Variants in CSMD2 observed in about 807,000 individuals in gnomAD.
CSMD2 encodes CUB and Sushi multiple domains 2, also known as CUB and sushi domain-containing protein 2.
In CSMD2, 130 loss-of-function variants were observed where a neutral mutation model predicts 398.5. The observed-to-expected ratio is 0.33, with a 90% confidence interval of 0.28 to 0.38. The LOEUF (loss-of-function observed/expected upper bound fraction) is 0.38, where lower values mean the gene tolerates loss of function less well. Among genes scored for constraint, CSMD2 ranks in the 10% least tolerant of loss-of-function variants. The pLI, the probability that CSMD2 is intolerant of heterozygous loss-of-function variation, is 1.00. For missense variants in CSMD2, 3,829 were observed against 4,764.9 expected (o/e 0.80, Z 5.78); for synonymous variants, 1,828 against 1,908.5 (o/e 0.96, Z 1.10).
intron 1 of CSMD2, among the ~76,000 whole-genome samples, chr1:34,127,152 G>A (rs1662832919): frequency 6.6e-6 from 1 of 152,074 alleles, no homozygotes; most frequent in African/African-American, 2.4e-5. Flanking sequence ...AAGAAGCCAC[G>A]CACAGCTTCA....
At position 34,082,132 on chromosome 1, in the gene CSMD2, C is replaced by T. The variant is rs547531022; in HGVS notation, c.404+6845G>A. The stretch of plus-strand genomic sequence containing the variant: ...GGGGAGCGCCTCTGCCCGGCCGCCC[C>T]GTCTGGGATGTGAGGAGCACCTCTG... On this transcript the variant is annotated intron_variant, in intron 2 of 70. Coordinates refer to ENST00000373381, the MANE Select transcript of CSMD2 (RefSeq NM_001281956.2). Among the ~76,000 whole-genome samples, 12 of 148,348 alleles carry T rather than the reference C, an allele frequency of 8.1e-5. No individual in the cohort carries two copies. In the East Asian group the frequency reaches 1.5e-3, roughly 19 times the overall value.
At chr1:34,111,927 G>A (rs1285183442) in intron 1 of CSMD2, among the ~76,000 whole-genome samples, 2 of 152,074 alleles carry the variant, frequency 1.3e-5, no homozygotes, top group African/African-American at 2.4e-5. Flanking sequence ...CCAGAGGAAG[G>A]ACAGAGGTGG....
intron 54 of CSMD2, among the ~76,000 whole-genome samples, chr1:33,558,633 T>C (rs1015025649): frequency 6.6e-6 from 1 of 152,234 alleles, no homozygotes; most frequent in South Asian, 2.1e-4. Context: ...TTTTTACTTT[T>C]GATGAGGCTC....
intron 3 of CSMD2, among the ~76,000 whole-genome samples, chr1:33,945,480 C>A (rs968700387): frequency 1.3e-5 from 2 of 152,076 alleles, no homozygotes; most frequent in African/African-American, 2.4e-5. Flanking sequence ...AGGGGAAGAG[C>A]TAGACCCTGC....
At chr1:33,570,287 C>G (rs1431528019) in intron 51 of CSMD2, among the ~76,000 whole-genome samples, 1 of 151,694 alleles carries the variant, frequency 6.6e-6, no homozygotes, top group African/African-American at 2.4e-5. Context: ...TTTGCCTCAG[C>G]CTCCCAAGTA....
rs1440728152 is a variant in CSMD2 at position 33,935,872 on chromosome 1, C to A, written c.600G>T (p.Lys200Asn). 1 of 1,614,224 alleles carries A rather than the reference C, an allele frequency of 6.2e-7. No homozygotes were observed. The highest frequency in any genetic ancestry group is 8.5e-7 in the Non-Finnish European group (1 of 1,180,022). Residue 200 changes from lysine (K) to asparagine (N), a missense_variant, in exon 4 of 71, where the codon AAG (lysine) becomes AAT (asparagine). Around this residue, in one of 5 missense-constraint regions of CSMD2, gnomAD observed 2,001 missense variants for 2,567.1 expected, o/e 0.78. Coordinates refer to ENST00000373381, the MANE Select transcript of CSMD2 (RefSeq NM_001281956.2). ...QQGSTFNLGD[K>N]VRYSCNLGFF... ...AGCCAAGGTTGCAGCTGTAGCGGAC[C>A]TTGTCACCGAGGTTGAAGGTTGAAC...
At chr1:33,988,365 G>A (rs561823250) in intron 3 of CSMD2, among the ~76,000 whole-genome samples, 1 of 152,150 alleles carries the variant, frequency 6.6e-6, no homozygotes, top group Admixed American at 6.5e-5. Flanking sequence ...AAGCTGGGCT[G>A]GGAATGGGAG....
chr1:33,772,858 T>C, intron 12 of CSMD2, 107 bp from the exon 13 acceptor site: 2 of 895,364 alleles, frequency 2.2e-6, no homozygotes, highest in East Asian at 2.6e-5. Flanking sequence ...CATAAGTCAG[T>C]GCTCAGAGTG....
intron 25 of CSMD2, among the ~76,000 whole-genome samples, chr1:33,663,938 C>T (rs191341331): frequency 3.0e-4 from 45 of 152,276 alleles, no homozygotes; most frequent in Middle Eastern, 3.4e-3. Flanking sequence ...TACATTTCCA[C>T]GGTGCATTTG....
intron 49 of CSMD2, 51 bp downstream of exon 49, chr1:33,577,245 T>C (rs767518931): frequency 9.9e-6 from 15 of 1,515,404 alleles, no homozygotes; most frequent in Admixed American, 1.9e-5. Context: ...AAACCCAAGA[T>C]ATGAGTTGGA....
At chr1:34,131,367 C>T (rs1663334278) in intron 1 of CSMD2, among the ~76,000 whole-genome samples, 1 of 152,070 alleles carries the variant, frequency 6.6e-6, no homozygotes, top group Non-Finnish European at 1.5e-5. Context: ...CTTAATTTTT[C>T]TTTTCAATAA....
intron 29 of CSMD2, among the ~76,000 whole-genome samples, chr1:33,639,011 T>A (rs1296112717): frequency 6.6e-6 from 1 of 152,212 alleles, no homozygotes. Flanking sequence ...ATATCTTCAG[T>A]GGATTATTGT....
chr1:33,832,375 A>G (rs1287747194), intron 6 of CSMD2, among the ~76,000 whole-genome samples: 2 of 148,718 alleles, frequency 1.3e-5, no homozygotes, highest in Non-Finnish European at 3.0e-5. Context: ...AAACCGCTCA[A>G]CTACGTGGAA....
chr1:33,967,782 G>T (rs1296300813), intron 3 of CSMD2, among the ~76,000 whole-genome samples: 1 of 152,120 alleles, frequency 6.6e-6, no homozygotes, highest in Non-Finnish European at 1.5e-5. Context: ...AGTTTTATTT[G>T]CACTTTCTGA....
chr1:33,612,162 A>G (rs1641050946), intron 40 of CSMD2, among the ~76,000 whole-genome samples: 1 of 152,240 alleles, frequency 6.6e-6, no homozygotes, highest in Admixed American at 6.5e-5. Flanking sequence ...TGAGACTTAC[A>G]TGGTAACGCT....
chr1:33,751,057 C>T (rs527272), intron 13 of CSMD2, among the ~76,000 whole-genome samples: 57,789 of 151,870 alleles, frequency 0.38, 12,814 homozygotes, highest in African/African-American at 0.62. Flanking sequence ...TGGAATTTGA[C>T]AGAAAGATGT....
intron 52 of CSMD2, 146 bp from the exon 53 acceptor site, chr1:33,567,987 C>A (rs1322032621): frequency 1.1e-6 from 1 of 944,844 alleles, no homozygotes. Context: ...ACCCCAAATC[C>A]CAAGGTTGTA....
At chr1:33,961,279 A>C (rs1570639343) in intron 3 of CSMD2, among the ~76,000 whole-genome samples, 1 of 152,178 alleles carries the variant, frequency 6.6e-6, no homozygotes, top group African/African-American at 2.4e-5. Context: ...CCAGTTCAAG[A>C]CCAGCCTGAT....
Position 33,810,888 on chromosome 1 carries a change from C to T in CSMD2, c.1325-24G>A, listed in dbSNP as rs376203261. 57 of 1,606,814 alleles carry T rather than the reference C, an allele frequency of 3.5e-5. No individual in the cohort carries two copies. The African/African-American group carries it at 7.3e-4, about 21-fold the overall frequency. On this transcript the variant is annotated intron_variant, in intron 9 of 70. Coordinates refer to ENST00000373381, the MANE Select transcript of CSMD2 (RefSeq NM_001281956.2). ...GGCTGCAGAGGAGATGAAAGACAAGCCTTTGAATTAAGACTAGGTCCAGTT... is the reference window on the plus strand; with the variant it reads ...GGCTGCAGAGGAGATGAAAGACAAGTCTTTGAATTAAGACTAGGTCCAGTT...
Sources: allele counts gnomAD v4.1 joint callset (sites outside exome capture counted in the v4.1 genomes callset), GRCh38; gene constraint gnomAD v4.1.1; regional missense constraint gnomAD v4.1.1; transcripts MANE v1.5; gene names NCBI Gene and HGNC (gene_info 2026-07-23, HGNC 2026-07-21).